The following POLR3B variants were observed in gnomAD, a reference collection of about 807,000 sequenced individuals.
POLR3B encodes the protein RNA polymerase III subunit B.
A neutral mutation model predicts 147.4 loss-of-function variants in POLR3B; 96 were observed. The observed-to-expected ratio is 0.65, with a 90% confidence interval of 0.55 to 0.77. The LOEUF is 0.77. Among genes scored for constraint, POLR3B ranks in the 30% least tolerant of loss-of-function variants. The probability of loss-of-function intolerance (pLI) is 0.00; values close to 1 mark genes in which losing one functional copy is unlikely to be tolerated. For synonymous variants in POLR3B, 461 were observed against 485.9 expected (o/e 0.95, Z 0.67); for missense variants, 1,036 against 1,413.5 (o/e 0.73, Z 4.28).
rs1029501159 is a variant in POLR3B at position 106,437,794 on chromosome 12, T to C, written c.1955+15T>C. The C allele has an allele frequency of 2.2e-6, 3 of 1,351,844 alleles. No individual in the cohort carries two copies. Among genetic ancestry groups the C allele is most frequent in the Admixed American group, 3.4e-5 (2 of 59,620 alleles). The allele number at this position is 1,351,844 out of a possible 1,614,324, so 83.7% of individuals were successfully genotyped here. ...ACAATTAATAAGTAAGTAGGATCCA[T>C]AGCAACCATAATTAAAACGTGTTCT... On this transcript the variant is annotated intron_variant, in intron 18 of 27. Coordinates refer to ENST00000228347, the MANE Select transcript of POLR3B (RefSeq NM_018082.6).
At chr12:106,461,766 C>T (rs1264872568) in intron 22 of POLR3B, among the ~76,000 whole-genome samples, 3 of 152,122 alleles carry the variant, frequency 2.0e-5, no homozygotes, top group Non-Finnish European at 4.4e-5. Flanking sequence ...TCTCGCCTGG[C>T]CCTCCCTATC....
At chr12:106,488,744 G>A (rs1490744667) in intron 23 of POLR3B, among the ~76,000 whole-genome samples, 1 of 152,134 alleles carries the variant, frequency 6.6e-6, no homozygotes, top group African/African-American at 2.4e-5. Flanking sequence ...CTCTTCAACT[G>A]TGTTATAAAT....
intron 9 of POLR3B, among the ~76,000 whole-genome samples, chr12:106,388,080 T>A (rs1374223775): frequency 6.6e-6 from 1 of 152,174 alleles, no homozygotes; most frequent in East Asian, 1.9e-4. Flanking sequence ...GTTTCCAGAT[T>A]CCATGCTGAG....
At chr12:106,478,865 T>C (rs927399838) in intron 23 of POLR3B, among the ~76,000 whole-genome samples, 1 of 152,194 alleles carries the variant, frequency 6.6e-6, no homozygotes, top group African/African-American at 2.4e-5. Flanking sequence ...AAAGTCTAGG[T>C]TGAAAATTGT....
chr12:106,411,471 A>G (rs1366329669), intron 12 of POLR3B, among the ~76,000 whole-genome samples: 1 of 152,212 alleles, frequency 6.6e-6, no homozygotes, highest in Non-Finnish European at 1.5e-5. Flanking sequence ...CGTGACCTAT[A>G]TCTTTTGTTG....
Position 106,463,608 on chromosome 12 carries a change from C to T in POLR3B, c.2701C>T (p.His901Tyr), listed in dbSNP as rs2037968457. ...AATTGGAGACAAATTCAGCAGTCGT[C>T]ATGGGCAAAAAGGTAAACTGTATCA... ...PEIGDKFSSR[H>Y]GQKGVCGLIV... The change falls in exon 23 of 28, where the codon CAT becomes TAT. Residue 901 changes from histidine (H) to tyrosine (Y), a missense_variant. Physicochemically the swap from His to Tyr is moderately conservative, Grantham distance 83 (BLOSUM62 2). Transcript: ENST00000228347. 4 of 1,613,012 alleles carry T rather than the reference C, an allele frequency of 2.5e-6. No individual in the cohort carries two copies. Among genetic ancestry groups the T allele is most frequent in the Non-Finnish European group, 3.4e-6 (4 of 1,179,244 alleles).
At chr12:106,461,219 G>A (rs913647377) in intron 22 of POLR3B, among the ~76,000 whole-genome samples, 7 of 151,598 alleles carry the variant, frequency 4.6e-5, no homozygotes, top group African/African-American at 1.5e-4. Flanking sequence ...TCAGCCTCCC[G>A]AGTAGCTGGG....
intron 19 of POLR3B, chr12:106,446,133 A>G (rs2037719656): frequency 2.6e-6 from 1 of 381,904 alleles, no homozygotes; most frequent in Admixed American, 3.0e-5. Flanking sequence ...TGAAATATAC[A>G]GTACTGAACC....
intron 26 of POLR3B, among the ~76,000 whole-genome samples, chr12:106,503,370 G>A (rs1484046833): frequency 1.3e-5 from 2 of 152,204 alleles, no homozygotes; most frequent in African/African-American, 4.8e-5. Flanking sequence ...ATGGAATACA[G>A]CAAACAAGGG....
At chr12:106,474,797 T>G (rs1158005073) in intron 23 of POLR3B, among the ~76,000 whole-genome samples, 2 of 151,796 alleles carry the variant, frequency 1.3e-5, no homozygotes, top group African/African-American at 2.4e-5. Context: ...TCAATTTTGT[T>G]GATCCTTTCA....
At chr12:106,500,134 C>T (rs766848688) in intron 25 of POLR3B, 2 of 455,844 alleles carry the variant, frequency 4.4e-6, no homozygotes, top group African/African-American at 4.0e-5. Context: ...AGTTCTTCCT[C>T]CCTGGATCGT....
chr12:106,459,223 G>A (rs1189372265), intron 21 of POLR3B, 28 bp from the exon 22 acceptor site: 1 of 1,193,720 alleles, frequency 8.4e-7, no homozygotes, highest in African/African-American at 1.5e-5. Context: ...TGATAACGAT[G>A]TGCCTAACAC....
chr12:106,429,435 G>T lies in POLR3B; in HGVS notation c.1264-838G>T, dbSNP rs546042569. On this transcript the variant is annotated intron_variant, in intron 13 of 27. Coordinates refer to ENST00000228347, the MANE Select transcript of POLR3B (RefSeq NM_018082.6). ...ATTATAGGCGTGAGCCAACACACCC[G>T]GCCTGCTTTGCTTTTTTGATGAATA... Among the ~76,000 whole-genome samples the T allele has an allele frequency of 2.0e-5, 3 of 152,082 alleles. No homozygotes were observed. The East Asian group carries it at 5.8e-4, about 29-fold the overall frequency.
chr12:106,509,348 T>G (rs2038738730), intron 27 of POLR3B, 72 bp from the exon 28 acceptor site: 2 of 1,509,272 alleles, frequency 1.3e-6, no homozygotes, highest in Admixed American at 3.3e-5. Flanking sequence ...ATAGAGACCA[T>G]TCTCACTTCC....
At chr12:106,484,795 AG>A (rs2038315561) in intron 23 of POLR3B, among the ~76,000 whole-genome samples, 1 of 152,126 alleles carries the variant, frequency 6.6e-6, no homozygotes, top group Non-Finnish European at 1.5e-5. Flanking sequence ...AAAGTCTGGG[AG>A]GATTTAGTTA....
intron 1 of POLR3B, among the ~76,000 whole-genome samples, chr12:106,361,957 C>T (rs2036475676): frequency 6.6e-6 from 1 of 152,132 alleles, no homozygotes; most frequent in Non-Finnish European, 1.5e-5. Flanking sequence ...CTGTCGAGCT[C>T]TTTCACTGGC....
At chr12:106,454,401 T>C in intron 19 of POLR3B, 101 bp from the exon 20 acceptor site, 1 of 710,330 alleles carries the variant, frequency 1.4e-6, no homozygotes, top group Non-Finnish European at 2.5e-6. Context: ...ATTTTGTTCA[T>C]TTTAATTAGT....
intron 12 of POLR3B, among the ~76,000 whole-genome samples, chr12:106,411,608 T>C (rs1253530323): frequency 6.6e-6 from 1 of 152,204 alleles, no homozygotes; most frequent in Non-Finnish European, 1.5e-5. Flanking sequence ...GTACTAGTTA[T>C]ATAAGAGGGA....
intron 23 of POLR3B, among the ~76,000 whole-genome samples, chr12:106,487,258 G>T (rs1565912713): frequency 6.6e-6 from 1 of 152,100 alleles, no homozygotes; most frequent in Admixed American, 6.5e-5. Flanking sequence ...TCCTGCAGAG[G>T]TTTGTTTGTT....
Sources: allele counts gnomAD v4.1 joint callset (sites outside exome capture counted in the v4.1 genomes callset), GRCh38; gene constraint gnomAD v4.1.1; transcripts MANE v1.5; gene names NCBI Gene and HGNC (gene_info 2026-07-23, HGNC 2026-07-21).